KIZ: variants seen among roughly 807,000 people sequenced by gnomAD.
The protein encoded by KIZ is centrosomal protein kizuna.
In KIZ, 68 loss-of-function variants were observed where a neutral mutation model predicts 79.6. That is an observed-to-expected ratio of 0.85 (90% confidence interval 0.70 to 1.05). The LOEUF (loss-of-function observed/expected upper bound fraction) is 1.05. Ranked by LOEUF, KIZ falls within the 50% of genes least tolerant of loss-of-function variation. The pLI is 0.00. For missense variants in KIZ, 797 were observed against 800.4 expected (o/e 1.00, Z 0.05); for synonymous variants, 280 against 281.8 (o/e 0.99, Z 0.06).
intron 4 of KIZ, among the ~76,000 whole-genome samples, chr20:21,146,111 A>G (rs1457890848): frequency 6.6e-6 from 1 of 152,234 alleles, no homozygotes; most frequent in Non-Finnish European, 1.5e-5. Flanking sequence ...GAATACTTAA[A>G]TAAATTCTGC....
At chr20:21,200,108 A>G (rs1345489973) in intron 6 of KIZ, among the ~76,000 whole-genome samples, 1 of 152,230 alleles carries the variant, frequency 6.6e-6, no homozygotes, top group Non-Finnish European at 1.5e-5. Flanking sequence ...GGCATGAGCC[A>G]TCACACTGGC....
intron 6 of KIZ, among the ~76,000 whole-genome samples, chr20:21,192,862 C>T (rs2035175208): frequency 6.6e-6 from 1 of 152,186 alleles, no homozygotes; most frequent in Non-Finnish European, 1.5e-5. Context: ...GTGTGGCCTG[C>T]AGAGTAGACA....
At chr20:21,204,174 G>A (rs902823793) in intron 6 of KIZ, among the ~76,000 whole-genome samples, 1 of 133,590 alleles carries the variant, frequency 7.5e-6, no homozygotes, top group Non-Finnish European at 1.5e-5. Flanking sequence ...GGAGTGCAGT[G>A]GCGGGATCTC....
chr20:21,176,460 A>G (rs1320142224), intron 6 of KIZ, among the ~76,000 whole-genome samples: 1 of 152,126 alleles, frequency 6.6e-6, no homozygotes, highest in East Asian at 1.9e-4. Flanking sequence ...AACCAGATGA[A>G]CATAAAACCT....
At chr20:21,234,885 T>A (rs887228133) in intron 11 of KIZ, among the ~76,000 whole-genome samples, 3 of 151,824 alleles carry the variant, frequency 2.0e-5, no homozygotes, top group Admixed American at 1.3e-4. Flanking sequence ...AGCAGCGGCT[T>A]GGGCGCAAAA....
chr20:21,203,617 A>G (rs2035682906), intron 6 of KIZ, among the ~76,000 whole-genome samples: 1 of 152,186 alleles, frequency 6.6e-6, no homozygotes, highest in South Asian at 2.1e-4. Flanking sequence ...TTTCTTCTGC[A>G]TTTATTGGAA....
chr20:21,140,395 T>C (rs945471760), intron 3 of KIZ, among the ~76,000 whole-genome samples: 17 of 152,178 alleles, frequency 1.1e-4, no homozygotes, highest in African/African-American at 3.9e-4. Flanking sequence ...TGAAGCAGTG[T>C]GAGAGAAGTG....
intron 1 of KIZ, among the ~76,000 whole-genome samples, chr20:21,131,139 T>C (rs2031812197): frequency 6.6e-6 from 1 of 152,198 alleles, no homozygotes; most frequent in Non-Finnish European, 1.5e-5. Flanking sequence ...CAGGCACTCT[T>C]CTTGGGACTG....
At chr20:21,162,637 T>G in intron 5 of KIZ, 130 bp downstream of exon 5, 1 of 812,852 alleles carries the variant, frequency 1.2e-6, no homozygotes, top group Non-Finnish European at 1.9e-6. Context: ...TCTAATGAAC[T>G]CTTAAATATG....
chr20:21,170,865 A>T (rs373527625), intron 6 of KIZ, among the ~76,000 whole-genome samples: 37 of 152,332 alleles, frequency 2.4e-4, no homozygotes, highest in African/African-American at 7.9e-4. Context: ...ATAAATGAGA[A>T]CATGCAAAGT....
Position 21,148,040 on chromosome 20 carries a change from A to G in KIZ, c.405+2386A>G, listed in dbSNP as rs140391079. On this transcript the variant is annotated intron_variant, in intron 4 of 12. Transcript: ENST00000619189. ...CTTGTGAGCAGAGCAGTCACATCCC[A>G]TGTGTGCAGCTGCGGGAAGATGAGG... is the stretch of plus-strand genomic sequence containing the variant. 4.8e-4 allele frequency among the ~76,000 whole-genome samples: 72 copies of G among 150,086 alleles called. 1 individual carries two copies. Among genetic ancestry groups the G allele is most frequent in the African/African-American group, 1.7e-3 (70 of 41,050 alleles).
At chr20:21,178,666 G>A (rs957674003) in intron 6 of KIZ, among the ~76,000 whole-genome samples, 34 of 152,124 alleles carry the variant, frequency 2.2e-4, no homozygotes, top group African/African-American at 7.5e-4. Context: ...CAAAGGAAAA[G>A]CTTTCAGCTT....
chr20:21,239,592 A>G (rs2037147942), intron 11 of KIZ, among the ~76,000 whole-genome samples: 1 of 152,332 alleles, frequency 6.6e-6, no homozygotes, highest in East Asian at 1.9e-4. Context: ...TTGGCTCCAC[A>G]AAGCAAAACC....
At chr20:21,154,505 G>A (rs1345871062) in intron 4 of KIZ, among the ~76,000 whole-genome samples, 1 of 152,176 alleles carries the variant, frequency 6.6e-6, no homozygotes, top group African/African-American at 2.4e-5. Context: ...CAAGACTGCA[G>A]ATGAATAACT....
intron 2 of KIZ, 79 bp from the exon 3 acceptor site, chr20:21,136,310 CA>C (rs1164024209): frequency 3.6e-5 from 30 of 844,680 alleles, no homozygotes; most frequent in Middle Eastern, 3.6e-4. Flanking sequence ...GTCTCATTAA[CA>C]ATTTTGATGA....
At chr20:21,209,966 A>AT (rs1196265493) in intron 7 of KIZ, among the ~76,000 whole-genome samples, 1 of 152,220 alleles carries the variant, frequency 6.6e-6, no homozygotes, top group African/African-American at 2.4e-5. Flanking sequence ...AAATAGTAAG[A>AT]TAAAAAGAAA....
chr20:21,217,485 A>G (rs914772707), intron 9 of KIZ, among the ~76,000 whole-genome samples: 1 of 152,150 alleles, frequency 6.6e-6, no homozygotes, highest in African/African-American at 2.4e-5. Flanking sequence ...GTGTGGGTGC[A>G]TGCTGGTTGT....
chr20:21,215,622 A>G lies in KIZ; in HGVS notation c.1652A>G (p.Asn551Ser). The G allele has an allele frequency of 6.2e-7, 1 of 1,607,060 alleles. No homozygotes were observed. Among genetic ancestry groups the G allele is most frequent in the South Asian group, 1.1e-5 (1 of 90,054 alleles). ...SGCGDKSKKE[N>S]VAADIPITET... ...TGTGGAGACAAGAGCAAGAAAGAAA[A>G]TGTGGCTGCAGATATCCCAATCACA... Residue 551 changes from asparagine to serine, a missense_variant, in exon 9 of 13, where the codon AAT (asparagine) becomes AGT (serine). By Grantham distance (46) the Asn-to-Ser change is conservative. Transcript: ENST00000619189.
intron 6 of KIZ, among the ~76,000 whole-genome samples, chr20:21,164,595 A>G (rs2033843032): frequency 6.6e-6 from 1 of 152,296 alleles, no homozygotes; most frequent in Non-Finnish European, 1.5e-5. Flanking sequence ...AAGGGGACTA[A>G]TACACTTACC....
Sources: allele counts gnomAD v4.1 joint callset (sites outside exome capture counted in the v4.1 genomes callset), GRCh38; gene constraint gnomAD v4.1.1; transcripts MANE v1.5; gene names NCBI Gene and HGNC (gene_info 2026-07-23, HGNC 2026-07-21).